Variants in ELP3 observed in about 807,000 individuals in gnomAD.
ELP3 encodes elongator acetyltransferase complex subunit 3, also known as elongator complex protein 3.
A neutral mutation model predicts 74.9 loss-of-function variants in ELP3; 56 were observed. That is an observed-to-expected ratio of 0.75 (90% CI 0.60 to 0.93). The LOEUF (loss-of-function observed/expected upper bound fraction) is 0.93, where lower values mean the gene tolerates loss of function less well. Among genes scored for constraint, ELP3 ranks in the 40% least tolerant of loss-of-function variants. ELP3 has a pLI of 0.00. For missense variants in ELP3, 573 were observed against 686.5 expected (o/e 0.83, Z 1.85); for synonymous variants, 222 against 239.8 (o/e 0.93, Z 0.68).
At chr8:28,097,390 A>G (rs1299789756) in intron 2 of ELP3, 72 bp downstream of exon 2, 7 of 969,802 alleles carry the variant, frequency 7.2e-6, no homozygotes, top group Admixed American at 2.3e-5. Context: ...ATCTAGTACT[A>G]CTTGTTTTCC....
In ELP3 at chr8:28,097,200, T is replaced by G; in HGVS notation, c.20-19T>G. 6.5e-7 allele frequency: 1 copy of G among 1,541,132 alleles called. No individual in the cohort carries two copies. The highest frequency in any genetic ancestry group is 8.9e-7 in the Non-Finnish European group (1 of 1,127,736). On this transcript the variant is annotated intron_variant, in intron 1 of 14. Transcript: ENST00000256398. The stretch of plus-strand genomic sequence containing the variant: ...TTGAATGATACGATTTTTGACATTG[T>G]TGAATATTAACTTTCCAGGAGATCT...
intron 3 of ELP3, among the ~76,000 whole-genome samples, chr8:28,101,688 C>G (rs1336258244): frequency 6.6e-6 from 1 of 151,508 alleles, no homozygotes; most frequent in Admixed American, 6.6e-5. Context: ...CTCCCAGGTT[C>G]AAGCGATTCT....
chr8:28,156,580 GA>G (rs953860188), intron 11 of ELP3, among the ~76,000 whole-genome samples: 2 of 152,140 alleles, frequency 1.3e-5, no homozygotes, highest in African/African-American at 4.8e-5. Context: ...TAAGTCATAG[GA>G]AGGTTTAAAA....
intron 10 of ELP3, among the ~76,000 whole-genome samples, chr8:28,138,617 A>G (rs141204816): frequency 0.014 from 2,061 of 152,296 alleles, 19 homozygotes; most frequent in Non-Finnish European, 0.021. Context: ...CCAGAAGGAG[A>G]CTGCAAATGC....
chr8:28,110,509 T>C, intron 6 of ELP3, 71 bp downstream of exon 6: 1 of 1,269,606 alleles, frequency 7.9e-7, no homozygotes, highest in East Asian at 2.4e-5. Context: ...TGTTGCTTGA[T>C]TCAAATTGAA....
At chr8:28,173,245 C>T (rs899529462) in intron 14 of ELP3, among the ~76,000 whole-genome samples, 1 of 151,898 alleles carries the variant, frequency 6.6e-6, no homozygotes, top group Non-Finnish European at 1.5e-5. Context: ...CTAGTAAAGT[C>T]GTCTGATTTT....
chr8:28,169,156 T>C (rs1814422687), intron 14 of ELP3, among the ~76,000 whole-genome samples: 1 of 152,182 alleles, frequency 6.6e-6, no homozygotes, highest in Non-Finnish European at 1.5e-5. Flanking sequence ...CACTGTCCAC[T>C]TGTCCACCAT....
Position 28,147,925 on chromosome 8 carries a change from C to T in ELP3, c.1101-8017C>T, listed in dbSNP as rs1258625064. ...CCCAGAAACCAGCCTGAATGCATAC[C>T]CACTGGCAAAAATCTAATGTCAGCA... On this transcript the variant is annotated intron_variant, in intron 10 of 14. Transcript: ENST00000256398. The surrounding 1 kb of genome is among the most constrained non-coding windows in gnomAD (Gnocchi z 4.5). Among the ~76,000 whole-genome samples the T allele has an allele frequency of 3.3e-5, 5 of 151,858 alleles. No individual in the cohort carries two copies. The highest frequency in any genetic ancestry group is 1.9e-4 in the East Asian group (1 of 5,196).
At position 28,099,898 on chromosome 8, in the gene ELP3, G is replaced by A. The variant is rs750081807; in HGVS notation, c.190G>A (p.Val64Ile). ...QPRLVDIIAA[V>I]PPQYRKVLMP... ...CCGCCTGGTGGATATCATTGCTGCCGTCCCTCCTCAGTATCGCAAGGTCTT... is the reference window on the plus strand; with the variant it reads ...CCGCCTGGTGGATATCATTGCTGCCATCCCTCCTCAGTATCGCAAGGTCTT... Residue 64 changes from valine to isoleucine, a missense_variant, in exon 3 of 15, where the codon GTC becomes ATC. Transcript: ENST00000256398. 5.2e-5 allele frequency: 84 copies of A among 1,614,050 alleles called. No individual in the cohort carries two copies. Among genetic ancestry groups the A allele is most frequent in the Admixed American group, 1.0e-4 (6 of 60,002 alleles).
chr8:28,186,676 C>T lies in ELP3; in HGVS notation c.1568-2973C>T, dbSNP rs746646489. ...GGTGGGGACTTTCTGTGGAGTCCTG[C>T]GGTGGCACAGGATAGCACATGGCAT... On this transcript the variant is annotated intron_variant, in intron 14 of 14. Transcript: ENST00000256398. Among the ~76,000 whole-genome samples the T allele has an allele frequency of 5.3e-5, 8 of 152,262 alleles. No individual in the cohort carries two copies. In the South Asian group the frequency reaches 1.4e-3, roughly 28 times the overall value.
At chr8:28,176,638 A>G (rs1814768448) in intron 14 of ELP3, among the ~76,000 whole-genome samples, 1 of 152,166 alleles carries the variant, frequency 6.6e-6, no homozygotes, top group Non-Finnish European at 1.5e-5. Flanking sequence ...TTTCCAGCGT[A>G]ATCGTCGTTT....
At chr8:28,099,741 G>A in intron 2 of ELP3, 87 bp from the exon 3 acceptor site, 1 of 1,433,800 alleles carries the variant, frequency 7.0e-7, no homozygotes, top group Non-Finnish European at 9.7e-7. Context: ...AGTGACAGTT[G>A]TTAATGATGT....
intron 7 of ELP3, among the ~76,000 whole-genome samples, chr8:28,124,678 A>C (rs1812505181): frequency 6.6e-6 from 1 of 152,204 alleles, no homozygotes; most frequent in Non-Finnish European, 1.5e-5. Context: ...AGGGGACTAC[A>C]AAATGATAGT....
At chr8:28,111,697 T>C (rs1174962152) in intron 6 of ELP3, among the ~76,000 whole-genome samples, 1 of 152,232 alleles carries the variant, frequency 6.6e-6, no homozygotes, top group Non-Finnish European at 1.5e-5. Context: ...AATGTAAAAC[T>C]ATTGAGCATG....
intron 11 of ELP3, 54 bp from the exon 12 acceptor site, chr8:28,158,514 A>T: frequency 1.7e-6 from 2 of 1,150,922 alleles, no homozygotes; most frequent in Admixed American, 1.7e-5. Flanking sequence ...TACCAGTTTT[A>T]TATTTGTACC....
intron 8 of ELP3, among the ~76,000 whole-genome samples, chr8:28,130,946 A>C (rs1812764456): frequency 6.6e-6 from 1 of 152,216 alleles, no homozygotes; most frequent in Non-Finnish European, 1.5e-5. Context: ...GAGGCTGGAC[A>C]TGAATCTAAT....
At chr8:28,157,305 A>AC (rs397700002) in intron 11 of ELP3, among the ~76,000 whole-genome samples, 1 of 151,504 alleles carries the variant, frequency 6.6e-6, no homozygotes, top group Non-Finnish European at 1.5e-5. Context: ...AAAAAAAAAA[A>AC]CAGAAACAGC....
intron 14 of ELP3, among the ~76,000 whole-genome samples, chr8:28,185,634 C>T (rs1172961099): frequency 1.3e-5 from 2 of 152,100 alleles, no homozygotes; most frequent in Admixed American, 6.5e-5. Context: ...GCACAGGTCT[C>T]CTGGTGGGGG....
At chr8:28,109,444 C>A (rs983789359) in intron 5 of ELP3, among the ~76,000 whole-genome samples, 5 of 152,178 alleles carry the variant, frequency 3.3e-5, no homozygotes, top group African/African-American at 2.4e-5. Context: ...TTTCACTCTT[C>A]CCCCTACCAG....
Sources: gnomAD v4.1 joint callset for allele counts (sites outside exome capture counted in the v4.1 genomes callset) on GRCh38, gnomAD v4.1.1 for gene constraint, Gnocchi (gnomAD v3.1) non-coding constraint, MANE v1.5 for transcripts, NCBI Gene and HGNC (gene_info 2026-07-23, HGNC 2026-07-21) for gene names.